KIF13A: variants seen among roughly 807,000 people sequenced by gnomAD.
KIF13A encodes kinesin-like protein KIF13A.
A neutral mutation model predicts 212.2 loss-of-function variants in KIF13A; 79 were observed. The ratio of observed to expected loss-of-function variants is 0.37; its 90% CI spans 0.31 to 0.45. KIF13A has a LOEUF of 0.45. KIF13A is among the 20% of genes least tolerant of loss of function. KIF13A has a pLI of 1.00. For missense variants in KIF13A, 1,901 were observed against 2,209.0 expected (o/e 0.86, Z 2.79); for synonymous variants, 789 against 808.6 (o/e 0.98, Z 0.41).
intron 2 of KIF13A, among the ~76,000 whole-genome samples, chr6:17,948,584 G>C (rs1777604427): frequency 3.4e-5 from 2 of 58,100 alleles, no homozygotes; most frequent in South Asian, 6.4e-4. Flanking sequence ...TTTTTTTTGA[G>C]ACAAGTCTCA....
chr6:17,938,819 ATTTT>A (rs5874617), intron 2 of KIF13A, among the ~76,000 whole-genome samples: 9 of 139,824 alleles, frequency 6.4e-5, no homozygotes, highest in African/African-American at 7.9e-5. Context: ...CTTAGAGTGA[ATTTT>A]TTTTTTTTTT....
In KIF13A at chr6:17,907,553, G is replaced by GAA. The variant is rs111706430; in HGVS notation, c.147-9375_147-9374dup. On this transcript the variant is annotated intron_variant, in intron 2 of 38. Transcript: ENST00000259711. ...CCTCCAAGAAGGAAAGGCATTTATG[G>GAA]AAAAAAAAAAAAAAGGAACTGGTAT... Among the ~76,000 whole-genome samples the GAA allele has an allele frequency of 2.2e-3, 300 of 134,670 alleles. 1 individual carries two copies. The highest frequency in any genetic ancestry group is 7.4e-3 in the African/African-American group (275 of 36,926). 88.3% of individuals were successfully genotyped at this position (134,670 alleles called of 152,430 possible). A position where few individuals can be genotyped will look rare whatever the true frequency, so the allele number is the denominator to read the frequency against.
At chr6:17,940,775 G>A (rs1776887424) in intron 2 of KIF13A, among the ~76,000 whole-genome samples, 1 of 151,110 alleles carries the variant, frequency 6.6e-6, no homozygotes, top group African/African-American at 2.4e-5. Flanking sequence ...AATTTTTTAT[G>A]ACAAACTTTT....
Position 17,888,614 on chromosome 6 carries a change from G to A in KIF13A, c.159+9554C>T, listed in dbSNP as rs917610538. Among the ~76,000 whole-genome samples the A allele has an allele frequency of 1.4e-4, 22 of 152,078 alleles. No individual in the cohort carries two copies. The highest frequency in any genetic ancestry group is 2.4e-4 in the Non-Finnish European group (16 of 68,008). ...CAAAGCGGGCAGATCACTTGAGGCC[G>A]GGAGTTCGAGACCAGCTTGGCCAAC... is the stretch of plus-strand genomic sequence containing the variant. On this transcript the variant is annotated intron_variant, in intron 3 of 38. Transcript: ENST00000259711. This position sits in a 1 kb window ranked among gnomAD's most constrained non-coding sequence, Gnocchi z 4.8.
downstream of KIF13A, among the ~76,000 whole-genome samples, chr6:17,762,402 G>T (rs1758628217): frequency 6.6e-6 from 1 of 151,922 alleles, no homozygotes; most frequent in Non-Finnish European, 1.5e-5. Flanking sequence ...TAGTAGAGAT[G>T]GGGTTTCACC....
At position 17,831,208 on chromosome 6, in the gene KIF13A, C is replaced by T; in HGVS notation, c.1294G>A (p.Gly432Arg). 6.2e-7 allele frequency: 1 copy of T among 1,613,438 alleles called. No individual in the cohort carries two copies. The highest frequency in any genetic ancestry group is 1.3e-5 in the African/African-American group (1 of 75,012). The change falls in exon 13 of 39, where the codon GGG (glycine) becomes AGG (arginine). Residue 432 changes from glycine (G) to arginine (R), a missense_variant. Around this residue, in one of 5 missense-constraint regions of KIF13A, gnomAD observed 506 missense variants for 637.4 expected, o/e 0.79. Coordinates refer to ENST00000259711, the MANE Select transcript of KIF13A (RefSeq NM_022113.6). ...ATACCGGACATCTCCAGGGAAATCC[C>T]CATGCTTTCAAGTTGTCGTTGTCTT... is the stretch of plus-strand genomic sequence containing the variant. Reference protein sequence around the residue: ...QERQRQLESMGISLEMSGIKV... With the variant: ...QERQRQLESMRISLEMSGIKV...
rs368180320 is a variant in KIF13A at position 17,975,528 on chromosome 6, T to C, written c.146+11526A>G. 1.3e-4 allele frequency among the ~76,000 whole-genome samples: 20 copies of C among 152,212 alleles called. No individual in the cohort carries two copies. The East Asian group carries it at 3.1e-3, about 24-fold the overall frequency. ...GCCCAAAAAGGGAGCAGCAACATAA[T>C]TCATTGCAAAGACCAAAAGAAAAAA... On this transcript the variant is annotated intron_variant, in intron 2 of 38. Transcript: ENST00000259711.
In KIF13A at chr6:17,807,307, C is replaced by T. The variant is rs558690589; in HGVS notation, c.2163+1461G>A. Among the ~76,000 whole-genome samples, 1,180 of 152,168 alleles carry T rather than the reference C, an allele frequency of 7.8e-3. 9 individuals are homozygous for T. Among genetic ancestry groups the T allele is most frequent in the Non-Finnish European group, 0.013 (855 of 68,000 alleles). ...CAAGTAGGAGATATATTGCTAAATTCTTGTCCTAGCAAGAAATATTAATAT... is the reference window on the plus strand; with the variant it reads ...CAAGTAGGAGATATATTGCTAAATTTTTGTCCTAGCAAGAAATATTAATAT... On this transcript the variant is annotated intron_variant, in intron 18 of 38. Coordinates refer to ENST00000259711, the MANE Select transcript of KIF13A (RefSeq NM_022113.6).
At chr6:17,847,767 T>C (rs555664355) in intron 9 of KIF13A, among the ~76,000 whole-genome samples, 4 of 152,334 alleles carry the variant, frequency 2.6e-5, no homozygotes, top group Admixed American at 2.0e-4. Flanking sequence ...TCTAAGCACA[T>C]TATGGTCATT....
At chr6:17,929,613 C>G (rs934280069) in intron 2 of KIF13A, among the ~76,000 whole-genome samples, 7 of 152,068 alleles carry the variant, frequency 4.6e-5, no homozygotes, top group Non-Finnish European at 1.0e-4. Context: ...TGTTAGCCAG[C>G]ATGGTCTCGA....
At chr6:17,788,087 T>C (rs1226850113) in intron 26 of KIF13A, among the ~76,000 whole-genome samples, 2 of 152,178 alleles carry the variant, frequency 1.3e-5, no homozygotes, top group Admixed American at 6.5e-5. Flanking sequence ...TCAGAGCCCC[T>C]GGATCTCCAG....
intron 4 of KIF13A, among the ~76,000 whole-genome samples, chr6:17,866,320 T>C (rs748189000): frequency 3.3e-5 from 5 of 152,120 alleles, no homozygotes; most frequent in Non-Finnish European, 7.4e-5. Context: ...AGGGTAACTT[T>C]AGTAGTATTC....
rs1772484066 is a variant in KIF13A at position 17,895,499 on chromosome 6, A to C, written c.159+2669T>G. On this transcript the variant is annotated intron_variant, in intron 3 of 38. Coordinates refer to ENST00000259711, the MANE Select transcript of KIF13A (RefSeq NM_022113.6). The surrounding 1 kb of genome is among the most constrained non-coding windows in gnomAD (Gnocchi z 4.4). ...GATCATACAAATGGCTTGGAACCAC[A>C]CAACAATCCATGTGATGGCTGGTTT... Among the ~76,000 whole-genome samples the C allele has an allele frequency of 6.6e-6, 1 of 152,202 alleles. No homozygotes were observed. The highest frequency in any genetic ancestry group is 1.5e-5 in the Non-Finnish European group (1 of 68,034).
At chr6:17,823,614 T>C (rs937320921) in intron 16 of KIF13A, among the ~76,000 whole-genome samples, 1 of 151,710 alleles carries the variant, frequency 6.6e-6, no homozygotes, top group Non-Finnish European at 1.5e-5. Context: ...ATTTCAGGCA[T>C]TCACCACCAC....
At chr6:17,907,981 C>T (rs1005066709) in intron 2 of KIF13A, among the ~76,000 whole-genome samples, 6 of 152,298 alleles carry the variant, frequency 3.9e-5, no homozygotes, top group East Asian at 1.9e-4. Flanking sequence ...CAGTGAGACA[C>T]GCACTGGTGA....
At position 17,809,677 on chromosome 6, in the gene KIF13A, A is replaced by G. The variant is rs1331252873; in HGVS notation, c.2001-747T>C. Among the ~76,000 whole-genome samples, 1 of 151,970 alleles carries G rather than the reference A, an allele frequency of 6.6e-6. No homozygotes were observed. Among genetic ancestry groups the G allele is most frequent in the Non-Finnish European group, 1.5e-5 (1 of 67,896 alleles). ...CATGACCCATCGTAGGATATTCAAA[A>G]AAGACCCACTGAATAAAGAAAAGAG... is the stretch of plus-strand genomic sequence containing the variant. On this transcript the variant is annotated intron_variant, in intron 17 of 38. Transcript: ENST00000259711. The surrounding 1 kb of genome is among the most constrained non-coding windows in gnomAD (Gnocchi z 4.7).
chr6:17,805,370 C>CGT (rs59526903), intron 19 of KIF13A, 105 bp downstream of exon 19: 16,173 of 735,202 alleles, frequency 0.022, 559 homozygotes, highest in African/African-American at 0.14. Flanking sequence ...AGCACATCTC[C>CGT]GTGTGTGTGT....
chr6:17,810,997 C>T (rs1166754902), intron 17 of KIF13A, among the ~76,000 whole-genome samples: 1 of 152,174 alleles, frequency 6.6e-6, no homozygotes. Context: ...GACCCCTGTT[C>T]TAGACTACAC....
chr6:17,870,264 C>T (rs1180456865), intron 4 of KIF13A, among the ~76,000 whole-genome samples: 2 of 152,098 alleles, frequency 1.3e-5, no homozygotes, highest in Admixed American at 6.5e-5. Flanking sequence ...AATTTCAGGG[C>T]TAACTGGGAC....
Sources: gnomAD v4.1 joint callset for allele counts (sites outside exome capture counted in the v4.1 genomes callset) on GRCh38, gnomAD v4.1.1 for gene constraint, gnomAD v4.1.1 regional missense constraint, Gnocchi (gnomAD v3.1) non-coding constraint, MANE v1.5 for transcripts, NCBI Gene and HGNC (gene_info 2026-07-23, HGNC 2026-07-21) for gene names.